The following TENM3 variants were observed in gnomAD, a reference collection of about 807,000 sequenced individuals.
The protein encoded by TENM3 is teneurin transmembrane protein 3, also known as teneurin-3.
TENM3 carries 63 observed loss-of-function variants against 255.1 expected under a neutral mutation model. The ratio of observed to expected loss-of-function variants is 0.25; its 90% CI spans 0.20 to 0.30. TENM3 has a LOEUF of 0.30. Ranked by LOEUF, TENM3 falls within the 10% of genes least tolerant of loss-of-function variation. The pLI, the probability that TENM3 is intolerant of heterozygous loss-of-function variation, is 1.00. For synonymous variants in TENM3, 1,306 were observed against 1,322.3 expected (o/e 0.99, Z 0.27); for missense variants, 2,929 against 3,461.1 (o/e 0.85, Z 3.86).
At chr4:181,892,200 G>A in the TENM3 span, among the ~76,000 whole-genome samples, 1 of 152,122 alleles carries the variant, frequency 6.6e-6, no homozygotes, top group Admixed American at 6.5e-5. Flanking sequence ...ATGTCTCCTT[G>A]CTTCTATGAA....
At chr4:181,826,639 G>A in the TENM3 span, among the ~76,000 whole-genome samples, 3 of 152,296 alleles carry the variant, frequency 2.0e-5, no homozygotes, top group Non-Finnish European at 2.9e-5. Context: ...AGGAAAAAAG[G>A]CAACCAGCGT....
chr4:181,888,885 A>T, the TENM3 span, among the ~76,000 whole-genome samples: 3 of 151,516 alleles, frequency 2.0e-5, no homozygotes, highest in Non-Finnish European at 4.4e-5. Context: ...TTCCCTCCAC[A>T]TTTTTGTTCT....
the TENM3 span, among the ~76,000 whole-genome samples, chr4:181,938,529 G>A: frequency 6.6e-6 from 1 of 152,150 alleles, no homozygotes; most frequent in East Asian, 1.9e-4. Flanking sequence ...CACTGTTAAA[G>A]TGACAGTATC....
Position 182,773,627 on chromosome 4 carries a change from C to T in TENM3, c.5048C>T (p.Ser1683Phe). 6.2e-7 allele frequency: 1 copy of T among 1,612,312 alleles called. No homozygotes were observed. Among genetic ancestry groups the T allele is most frequent in the South Asian group, 1.1e-5 (1 of 90,592 alleles). The change falls in exon 23 of 28, where the codon TCT becomes TTT. Residue 1683 changes from serine (S) to phenylalanine (F), a missense_variant. Around this residue, in one of 6 missense-constraint regions of TENM3, gnomAD observed 1,608 missense variants for 1,884.4 expected, o/e 0.85. Transcript: ENST00000511685. ...SITSNLSSID[S>F]FYTMVQDQLR... ...ACTTCAAATCTGTCCTCGATCGATT[C>T]TTTCTACACCATGGTTCAAGGTAAA...
intron 1 of TENM3, among the ~76,000 whole-genome samples, chr4:182,226,693 C>G (rs532511691): frequency 2.6e-5 from 4 of 152,238 alleles, no homozygotes; most frequent in Non-Finnish European, 5.9e-5. Flanking sequence ...TTTGCTCTAT[C>G]TATAGCAAAG....
chr4:182,314,879 T>C (rs1406325467), intron 1 of TENM3, among the ~76,000 whole-genome samples: 4 of 152,228 alleles, frequency 2.6e-5, no homozygotes, highest in African/African-American at 9.6e-5. Context: ...TGATTAGTTG[T>C]ATATTTTTAT....
At chr4:182,082,105 A>G in the TENM3 span, among the ~76,000 whole-genome samples, 1 of 152,216 alleles carries the variant, frequency 6.6e-6, no homozygotes, top group Non-Finnish European at 1.5e-5. Flanking sequence ...ACAACAAAAT[A>G]CTACAAACTG....
the TENM3 span, among the ~76,000 whole-genome samples, chr4:181,873,294 T>C: frequency 2.6e-5 from 4 of 151,966 alleles, no homozygotes; most frequent in African/African-American, 4.8e-5. Flanking sequence ...GTCTCAAACT[T>C]CTGACCTCAG....
At chr4:181,568,646 C>T in the TENM3 span, among the ~76,000 whole-genome samples, 2 of 152,324 alleles carry the variant, frequency 1.3e-5, no homozygotes, top group South Asian at 4.1e-4. Context: ...CTGTCTTGTG[C>T]TGACCTATTT....
At chr4:182,140,042 ATT>A (rs1749286036), upstream of TENM3, among the ~76,000 whole-genome samples, 2 of 152,230 alleles carry the variant, frequency 1.3e-5, no homozygotes, top group South Asian at 4.1e-4. Flanking sequence ...GAATTAAAAT[ATT>A]TGTTTTATAG....
At chr4:181,547,520 C>A in the TENM3 span, among the ~76,000 whole-genome samples, 1 of 151,854 alleles carries the variant, frequency 6.6e-6, no homozygotes, top group Non-Finnish European at 1.5e-5. Flanking sequence ...TAAACATGTA[C>A]AAAAACATGC....
At chr4:181,596,317 T>C in the TENM3 span, among the ~76,000 whole-genome samples, 1 of 152,218 alleles carries the variant, frequency 6.6e-6, no homozygotes, top group African/African-American at 2.4e-5. Context: ...TAGATGTGTT[T>C]TCACAAGCTT....
chr4:181,780,730 G>C, the TENM3 span, among the ~76,000 whole-genome samples: 5 of 152,152 alleles, frequency 3.3e-5, no homozygotes, highest in African/African-American at 1.2e-4. Flanking sequence ...GTCCTGAATG[G>C]TATTGCTTAG....
At chr4:181,451,432 A>G in the TENM3 span, among the ~76,000 whole-genome samples, 1 of 152,214 alleles carries the variant, frequency 6.6e-6, no homozygotes, top group Non-Finnish European at 1.5e-5. Context: ...AGAGGAATCT[A>G]GGTAGGAGAC....
rs760455233 is a variant in TENM3, at chr4:182,800,210, C to T, written c.7959C>T (p.Gly2653=). The part of the protein sequence containing the change: ...GEEGARLWTE[G]EKRQLLSAGK... ...AGGGCGCGCGCCTCTGGACGGAGGGCGAGAAGCGGCAGCTGCTGAGCGCCG... is the reference window on the plus strand; with the variant it reads ...AGGGCGCGCGCCTCTGGACGGAGGGTGAGAAGCGGCAGCTGCTGAGCGCCG... The change falls in exon 28 of 28, where the codon GGC becomes GGT. Residue 2653 remains glycine (G), a synonymous_variant. Transcript: ENST00000511685. 1.9e-6 allele frequency: 3 copies of T among 1,590,328 alleles called. No homozygotes were observed. The highest frequency in any genetic ancestry group is 2.3e-5 in the East Asian group (1 of 44,432).
At chr4:181,450,176 G>T in the TENM3 span, among the ~76,000 whole-genome samples, 2 of 152,074 alleles carry the variant, frequency 1.3e-5, no homozygotes, top group East Asian at 3.9e-4. Context: ...AAGTTCAGGC[G>T]TATACCTGAG....
intron 1 of TENM3, among the ~76,000 whole-genome samples, chr4:182,252,698 G>A (rs1378547385): frequency 6.6e-6 from 1 of 152,134 alleles, no homozygotes; most frequent in Admixed American, 6.5e-5. Flanking sequence ...ATACCTTTGG[G>A]CTCAGTACTT....
At chr4:182,772,768 A>T (rs1472046388) in intron 22 of TENM3, among the ~76,000 whole-genome samples, 1 of 152,174 alleles carries the variant, frequency 6.6e-6, no homozygotes, top group Non-Finnish European at 1.5e-5. Flanking sequence ...GTGTAAAAAA[A>T]AAACAAATAA....
intron 1 of TENM3, among the ~76,000 whole-genome samples, chr4:182,213,051 T>C (rs1207646416): frequency 1.3e-5 from 2 of 152,174 alleles, no homozygotes; most frequent in Non-Finnish European, 2.9e-5. Flanking sequence ...GATTTACACA[T>C]TGATTAGCAG....
Sources: gnomAD v4.1 joint callset for allele counts (sites outside exome capture counted in the v4.1 genomes callset) on GRCh38, gnomAD v4.1.1 for gene constraint, gnomAD v4.1.1 regional missense constraint, MANE v1.5 for transcripts, NCBI Gene and HGNC (gene_info 2026-07-23, HGNC 2026-07-21) for gene names.